The following HYDIN variants were observed in gnomAD, a reference collection of about 807,000 sequenced individuals.
HYDIN encodes the protein HYDIN axonemal central pair apparatus protein.
Under a neutral mutation model 403.9 loss-of-function variants are expected in HYDIN, and 132 were observed. The observed-to-expected ratio is 0.33, with a 90% CI of 0.28 to 0.38. The LOEUF is 0.38. HYDIN is among the 10% of genes least tolerant of loss of function. The probability of loss-of-function intolerance (pLI) is 1.00; values close to 1 mark genes in which losing one functional copy is unlikely to be tolerated. For synonymous variants in HYDIN, 1,202 were observed against 1,891.7 expected, an observed-to-expected ratio of 0.64 and a Z score of 9.46; for missense variants, 2,827 against 5,009.5, an observed-to-expected ratio of 0.56 and a Z score of 13.15.
intron 3 of HYDIN, 50 bp from the exon 4 acceptor site, chr16:71,179,097 G>A (rs929905376): frequency 1.3e-6 from 2 of 1,482,088 alleles, no homozygotes; most frequent in Non-Finnish European, 1.9e-6. Flanking sequence ...TGACAAAAAT[G>A]ACTGGGGAAG....
chr16:70,911,615 G>T (rs2076698633), intron 47 of HYDIN, among the ~76,000 whole-genome samples: 1 of 150,496 alleles, frequency 6.6e-6, no homozygotes, highest in South Asian at 2.1e-4. Flanking sequence ...GGTTCCATAT[G>T]AATTTTATAA....
chr16:70,974,312 C>T lies in HYDIN; in HGVS notation c.4910-12G>A, dbSNP rs1567933285. The stretch of plus-strand genomic sequence containing the variant: ...CTCAGTACTGAATCCTGGACCAAGA[C>T]AAAAAAAAATTTCTTCATGGAAAAG... On this transcript the variant is annotated splice_polypyrimidine_tract_variant and intron_variant, in intron 32 of 85. Transcript: ENST00000393567. The T allele has an allele frequency of 4.5e-6, 7 of 1,546,044 alleles. No individual in the cohort carries two copies. The highest frequency in any genetic ancestry group is 2.8e-5 in the African/African-American group (2 of 71,530).
chr16:70,810,074 T>A, intron 84 of HYDIN, 67 bp from the exon 85 acceptor site: 1 of 1,426,000 alleles, frequency 7.0e-7, no homozygotes, highest in Non-Finnish European at 9.9e-7. Flanking sequence ...CCTAGAGACC[T>A]GCCCAAGGCT....
rs137861108 is a variant in HYDIN, at chr16:71,029,080, A to G, written c.2769-1205T>C. Among the ~76,000 whole-genome samples, 225 of 152,186 alleles carry G rather than the reference A, an allele frequency of 1.5e-3. 1 individual carries two copies. Among genetic ancestry groups the G allele is most frequent in the African/African-American group, 5.2e-3 (214 of 41,516 alleles). ...TAAGGGAGTTGTCTAAAAATATGCA[A>G]TTAGAAGCGGCAGCGTATGGCTATT... On this transcript the variant is annotated intron_variant, in intron 19 of 85. Transcript: ENST00000393567.
intron 23 of HYDIN, among the ~76,000 whole-genome samples, chr16:70,992,449 T>A (rs1160606302): frequency 7.1e-6 from 1 of 141,816 alleles, no homozygotes; most frequent in Non-Finnish European, 1.5e-5. Flanking sequence ...CCTCTGAGTG[T>A]CCATAGCCCC....
chr16:70,943,339 C>T (rs1410228711), intron 42 of HYDIN, among the ~76,000 whole-genome samples: 2 of 152,058 alleles, frequency 1.3e-5, no homozygotes, highest in Non-Finnish European at 2.9e-5. Flanking sequence ...ATCCTGCTAC[C>T]CAAAGATAAC....
intron 42 of HYDIN, among the ~76,000 whole-genome samples, 192 bp from the exon 43 acceptor site, chr16:70,942,011 C>CTTTT (rs143927561): frequency 1.1e-5 from 1 of 93,410 alleles, no homozygotes; most frequent in African/African-American, 4.5e-5. Flanking sequence ...ATCAGCCAGT[C>CTTTT]TTTTTTTTTT....
chr16:70,826,745 CTG>C (rs368582591), intron 83 of HYDIN, among the ~76,000 whole-genome samples: 27 of 122,712 alleles, frequency 2.2e-4, no homozygotes, highest in South Asian at 5.0e-4. Flanking sequence ...CTCTCTCTCT[CTG>C]TGTGTGTGTT....
At chr16:71,142,904 T>C (rs1479101142) in intron 7 of HYDIN, among the ~76,000 whole-genome samples, 1 of 148,812 alleles carries the variant, frequency 6.7e-6, no homozygotes, top group Admixed American at 6.7e-5. Flanking sequence ...TAAAAACAAA[T>C]ATGAACAAAA....
chr16:71,038,178 T>G (rs1326534795), intron 18 of HYDIN, among the ~76,000 whole-genome samples: 1 of 152,286 alleles, frequency 6.6e-6, no homozygotes, highest in African/African-American at 2.4e-5. Flanking sequence ...TTTGCGATCT[T>G]TTGTAATTCA....
chr16:70,922,438 G>C (rs956045558), intron 45 of HYDIN, among the ~76,000 whole-genome samples: 24 of 152,334 alleles, frequency 1.6e-4, no homozygotes, highest in African/African-American at 5.8e-4. Flanking sequence ...GCAAATAGAT[G>C]CAGAAAGAAA....
intron 9 of HYDIN, among the ~76,000 whole-genome samples, chr16:71,116,104 G>C (rs1191608939): frequency 6.6e-6 from 1 of 151,822 alleles, no homozygotes; most frequent in Non-Finnish European, 1.5e-5. Flanking sequence ...ACTACATTAG[G>C]TCTCCAGAAC....
chr16:71,221,064 T>C (rs1396248467), intron 1 of HYDIN, among the ~76,000 whole-genome samples: 2 of 152,052 alleles, frequency 1.3e-5, no homozygotes, highest in Admixed American at 1.3e-4. Context: ...GAGCTCTGCT[T>C]GTGGCTGCCT....
At chr16:71,041,818 G>A (rs1203468751) in intron 18 of HYDIN, among the ~76,000 whole-genome samples, 5 of 151,776 alleles carry the variant, frequency 3.3e-5, no homozygotes, top group African/African-American at 9.6e-5. Flanking sequence ...TATATTTATT[G>A]AATAAATAAC....
At chr16:71,089,354 AAGAC>A (rs1217493416) in intron 11 of HYDIN, among the ~76,000 whole-genome samples, 1 of 151,972 alleles carries the variant, frequency 6.6e-6, no homozygotes, top group Non-Finnish European at 1.5e-5. Context: ...CTGGCTTCCA[AAGAC>A]ACCACCTCTG....
At chr16:70,956,597 T>G (rs1206705530) in intron 39 of HYDIN, among the ~76,000 whole-genome samples, 2 of 152,008 alleles carry the variant, frequency 1.3e-5, no homozygotes, top group Non-Finnish European at 1.5e-5. Context: ...AGCAGGTCAA[T>G]CAACCATGGA....
At chr16:71,211,787 T>A (rs1428286010) in intron 1 of HYDIN, among the ~76,000 whole-genome samples, 1 of 151,888 alleles carries the variant, frequency 6.6e-6, no homozygotes, top group Non-Finnish European at 1.5e-5. Context: ...TAAGACACCA[T>A]GAGCAAAAAT....
chr16:71,040,282 C>T (rs2081242653), intron 18 of HYDIN, among the ~76,000 whole-genome samples: 1 of 150,482 alleles, frequency 6.6e-6, no homozygotes. Flanking sequence ...GTAAGGGACA[C>T]ACTCCCTTCG....
At chr16:70,964,247 C>T (rs2078504870) in intron 37 of HYDIN, among the ~76,000 whole-genome samples, 1 of 149,688 alleles carries the variant, frequency 6.7e-6, no homozygotes. Flanking sequence ...GAATGCCCAC[C>T]CCCTGCTTTT....
Sources: gnomAD v4.1 joint callset for allele counts (sites outside exome capture counted in the v4.1 genomes callset) on GRCh38, gnomAD v4.1.1 for gene constraint, MANE v1.5 for transcripts, NCBI Gene and HGNC (gene_info 2026-07-23, HGNC 2026-07-21) for gene names.